Variants in AGBL1 observed in about 807,000 individuals in gnomAD.
AGBL1 encodes cytosolic carboxypeptidase 4.
AGBL1 carries 130 observed loss-of-function variants against 118.9 expected under a neutral mutation model. That is an observed-to-expected ratio of 1.09 (90% confidence interval 0.95 to 1.26). The LOEUF (loss-of-function observed/expected upper bound fraction) is 1.26, where lower values mean the gene tolerates loss of function less well. AGBL1 is among the 50% of genes most tolerant of loss of function. The pLI, the probability that AGBL1 is intolerant of heterozygous loss-of-function variation, is 0.00. For synonymous variants in AGBL1, 555 were observed against 478.9 expected (o/e 1.16, Z -2.08); for missense variants, 1,584 against 1,298.1 (o/e 1.22, Z -3.38).
At chr15:86,539,015 A>C (rs571769163) in intron 19 of AGBL1, among the ~76,000 whole-genome samples, 4 of 152,250 alleles carry the variant, frequency 2.6e-5, no homozygotes, top group Non-Finnish European at 5.9e-5. Flanking sequence ...GTTTGCATGA[A>C]CTAAATTAAC....
At chr15:86,962,298 A>G (rs2081000487) in intron 23 of AGBL1, among the ~76,000 whole-genome samples, 1 of 152,098 alleles carries the variant, frequency 6.6e-6, no homozygotes, top group African/African-American at 2.4e-5. Context: ...GTGGAGAGAC[A>G]TAAGAGACTC....
chr15:86,517,130 C>A (rs955837486), intron 18 of AGBL1, among the ~76,000 whole-genome samples: 1 of 152,180 alleles, frequency 6.6e-6, no homozygotes, highest in Non-Finnish European at 1.5e-5. Flanking sequence ...TGTCTCCAAG[C>A]TTTTGGAGCT....
intron 18 of AGBL1, among the ~76,000 whole-genome samples, chr15:86,416,787 A>T (rs1003132418): frequency 6.6e-6 from 1 of 152,196 alleles, no homozygotes; most frequent in Non-Finnish European, 1.5e-5. Context: ...AATAGTATTG[A>T]GAATCATTTT....
At chr15:86,214,966 T>C (rs1695758898) in intron 5 of AGBL1, among the ~76,000 whole-genome samples, 3 of 152,210 alleles carry the variant, frequency 2.0e-5, no homozygotes. Flanking sequence ...TTTGACAGCA[T>C]CTGGATAGAG....
chr15:86,265,570 C>T (rs1378573021), intron 11 of AGBL1, among the ~76,000 whole-genome samples: 4 of 152,210 alleles, frequency 2.6e-5, no homozygotes, highest in African/African-American at 9.6e-5. Context: ...TTATCCACGT[C>T]ATCTGTAAAT....
At chr15:86,324,735 C>T (rs1388686890) in intron 17 of AGBL1, among the ~76,000 whole-genome samples, 2 of 152,222 alleles carry the variant, frequency 1.3e-5, no homozygotes, top group Non-Finnish European at 2.9e-5. Flanking sequence ...AAGGTAGAGT[C>T]GTAGTGGTAA....
Position 86,776,830 on chromosome 15 carries a change from G to T in AGBL1, c.3158+102394G>T, listed in dbSNP as rs952149181. Among the ~76,000 whole-genome samples, 7 of 149,734 alleles carry T rather than the reference G, an allele frequency of 4.7e-5. No homozygotes were observed. In the Admixed American group the frequency reaches 4.7e-4, roughly 10 times the overall value. On this transcript the variant is annotated intron_variant, in intron 22 of 22. Coordinates refer to ENST00000614907, the MANE Select transcript of AGBL1 (RefSeq NM_001386094.1). ...TTAAGGGGAATTTGTTAATAAAACA[G>T]GTTTTTTTAAAAAATCAACTTTTAG...
intron 22 of AGBL1, among the ~76,000 whole-genome samples, chr15:86,735,531 T>G (rs1462881346): frequency 2.0e-5 from 3 of 151,894 alleles, no homozygotes; most frequent in South Asian, 4.1e-4. Flanking sequence ...AAATCAAATC[T>G]CCTGTCTTCC....
At chr15:86,514,157 CACACAT>C (rs1049201520) in intron 18 of AGBL1, among the ~76,000 whole-genome samples, 15 of 151,392 alleles carry the variant, frequency 9.9e-5, no homozygotes, top group African/African-American at 2.2e-4. Flanking sequence ...CACACACACA[CACACAT>C]ACACATCTAT....
At chr15:86,381,407 T>TA (rs1279087025) in intron 17 of AGBL1, among the ~76,000 whole-genome samples, 1 of 147,828 alleles carries the variant, frequency 6.8e-6, no homozygotes, top group Non-Finnish European at 1.5e-5. Context: ...TTGGAGCTGA[T>TA]ACACTTTTTT....
intron 6 of AGBL1, among the ~76,000 whole-genome samples, chr15:86,245,448 G>A (rs1043805145): frequency 7.9e-5 from 12 of 152,326 alleles, no homozygotes; most frequent in East Asian, 1.9e-4. Context: ...TTCTGACTGA[G>A]AGTCAGCAGG....
intron 22 of AGBL1, among the ~76,000 whole-genome samples, chr15:86,730,226 A>G (rs1189545577): frequency 6.6e-6 from 1 of 152,204 alleles, no homozygotes; most frequent in African/African-American, 2.4e-5. Flanking sequence ...CCAAGTCTTC[A>G]AAAGCAATTG....
chr15:86,339,345 T>C (rs1484630151), intron 17 of AGBL1, among the ~76,000 whole-genome samples: 1 of 152,216 alleles, frequency 6.6e-6, no homozygotes. Flanking sequence ...TTATCCTATT[T>C]GGTGTTTGCC....
At chr15:86,566,759 G>A (rs985048086) in intron 21 of AGBL1, among the ~76,000 whole-genome samples, 2 of 152,176 alleles carry the variant, frequency 1.3e-5, no homozygotes, top group Non-Finnish European at 2.9e-5. Flanking sequence ...ACAAGTATAT[G>A]TATATATCAC....
At chr15:86,393,036 A>T (rs1464899601) in intron 17 of AGBL1, among the ~76,000 whole-genome samples, 1 of 152,176 alleles carries the variant, frequency 6.6e-6, no homozygotes, top group Non-Finnish European at 1.5e-5. Flanking sequence ...TTAACTTACC[A>T]ACATGACTGC....
At chr15:86,859,433 A>G (rs1042281253) in intron 22 of AGBL1, among the ~76,000 whole-genome samples, 1 of 152,190 alleles carries the variant, frequency 6.6e-6, no homozygotes, top group African/African-American at 2.4e-5. Flanking sequence ...GAATGTTGTC[A>G]TCATATAGAA....
chr15:86,644,687 A>C (rs2142477651), intron 21 of AGBL1, among the ~76,000 whole-genome samples: 1 of 152,128 alleles, frequency 6.6e-6, no homozygotes, highest in East Asian at 1.9e-4. Flanking sequence ...GCAAACAAAC[A>C]AAAAGCTGAA....
intron 21 of AGBL1, among the ~76,000 whole-genome samples, chr15:86,606,946 A>G (rs2437801): frequency 0.52 from 78,299 of 151,794 alleles, 20,326 homozygotes; most frequent in East Asian, 0.73. Context: ...TGCCTTAAAG[A>G]TCCCCTGTGC....
intron 22 of AGBL1, among the ~76,000 whole-genome samples, chr15:86,901,274 T>G (rs986592115): frequency 6.6e-6 from 1 of 152,170 alleles, no homozygotes; most frequent in Non-Finnish European, 1.5e-5. Context: ...TTAGAAAGAA[T>G]TCCATCATAA....
Sources: gnomAD v4.1 joint callset for allele counts (sites outside exome capture counted in the v4.1 genomes callset) on GRCh38, gnomAD v4.1.1 for gene constraint, MANE v1.5 for transcripts, NCBI Gene and HGNC (gene_info 2026-07-23, HGNC 2026-07-21) for gene names.